The following CHST7 variants were observed in gnomAD, a reference collection of about 807,000 sequenced individuals.
CHST7 encodes carbohydrate sulfotransferase 7.
CHST7 carries 5 observed loss-of-function variants against 9.0 expected under a neutral mutation model. That is an observed-to-expected ratio of 0.56 (90% CI 0.29 to 1.17). The LOEUF (loss-of-function observed/expected upper bound fraction) is 1.17. Ranked by LOEUF, CHST7 falls within the 50% of genes most tolerant of loss-of-function variation. The pLI, the probability that CHST7 is intolerant of heterozygous loss-of-function variation, is 0.08. For synonymous variants in CHST7, 244 were observed against 237.1 expected (o/e 1.03, Z -0.27); for missense variants, 377 against 485.1 (o/e 0.78, Z 2.09).
chrX:46,584,400 G>A (rs775564504), intron 1 of CHST7, among the ~76,000 whole-genome samples: 1 of 91,361 alleles, frequency 1.1e-5, no homozygotes, highest in South Asian at 5.7e-4. Flanking sequence ...AGCCAGGCGT[G>A]GTGGCACATG....
intron 1 of CHST7, among the ~76,000 whole-genome samples, chrX:46,580,543 T>A (rs1398081969): frequency 9.0e-6 from 1 of 111,490 alleles, no homozygotes; most frequent in Admixed American, 9.5e-5. Context: ...AGGGCTGCAA[T>A]GAGGTGTGAA....
chrX:46,579,374 C>G (rs1942514364), intron 1 of CHST7, among the ~76,000 whole-genome samples: 1 of 112,213 alleles, frequency 8.9e-6, no homozygotes. Flanking sequence ...CACCACTGTT[C>G]TGGACAGACT....
chrX:46,575,185 G>A lies in CHST7; in HGVS notation c.1254G>A (p.Arg418=), dbSNP rs1942492330. The change falls in exon 1 of 2, where the codon CGG becomes CGA. Residue 418 remains arginine, a synonymous_variant. Transcript: ENST00000276055. ...MTRGAAYGAD[R]PFHLSARDAR... is the part of the protein sequence containing the mutation. ...GCGGCGCGGCCTACGGCGCCGACCGGCCCTTCCACCTGTCAGCGCGCGACG... is the reference window on the plus strand; with the variant it reads ...GCGGCGCGGCCTACGGCGCCGACCGACCCTTCCACCTGTCAGCGCGCGACG... 1.8e-6 allele frequency: 2 copies of A among 1,103,807 alleles called. No homozygotes were observed. The highest frequency in any genetic ancestry group is 2.2e-5 in the South Asian group (1 of 46,450). The allele number at this position is 1,103,807 out of a possible 1,213,427, so 91.0% of individuals were successfully genotyped here. A position where few individuals can be genotyped will look rare whatever the true frequency, so the allele number is the denominator to read the frequency against.
chrX:46,589,549 C>CA (rs758495614), intron 1 of CHST7, among the ~76,000 whole-genome samples: 825 of 65,636 alleles, frequency 0.013, 6 homozygotes, highest in African/African-American at 0.018. Flanking sequence ...GACTCTGTCT[C>CA]AAAAAAAAAA....
At chrX:46,576,196 C>T (rs1049291969) in intron 1 of CHST7, among the ~76,000 whole-genome samples, 2 of 105,104 alleles carry the variant, frequency 1.9e-5, no homozygotes, top group African/African-American at 7.0e-5. Context: ...CTCCCCCTTC[C>T]CCTCCTCCTC....
chrX:46,591,911 C>T (rs1942575152), intron 1 of CHST7, among the ~76,000 whole-genome samples: 1 of 110,199 alleles, frequency 9.1e-6, no homozygotes, highest in African/African-American at 3.3e-5. Context: ...CGTTCCCCTC[C>T]CTATGTCCAT....
chrX:46,587,278 G>A (rs1942554220), intron 1 of CHST7, among the ~76,000 whole-genome samples: 2 of 110,847 alleles, frequency 1.8e-5, no homozygotes, highest in African/African-American at 6.6e-5. Context: ...GGTGACGGCG[G>A]GAGTGTGTGT....
chrX:46,574,517 C>T lies in CHST7; in HGVS notation c.586C>T (p.Arg196Trp). The change falls in exon 1 of 2, where the codon CGG (arginine) becomes TGG (tryptophan). Residue 196 changes from arginine to tryptophan, a missense_variant. Arg to Trp is a moderately radical substitution (Grantham distance 101). Around this residue, in one of 3 missense-constraint regions of CHST7, gnomAD observed 239 missense variants for 325.7 expected, o/e 0.73. Transcript: ENST00000276055. The part of the protein sequence containing the change: ...NLTTAALFRW[R>W]TNKVICSPPL... ...TACCACGGCCGCCCTCTTCCGCTGG[C>T]GGACTAACAAGGTCATCTGCTCGCC... The T allele has an allele frequency of 8.3e-7, 1 of 1,206,948 alleles. No individual in the cohort carries two copies. The highest frequency in any genetic ancestry group is 1.1e-6 in the Non-Finnish European group (1 of 893,020).
In CHST7 at chrX:46,574,889, G is replaced by A. The variant is rs61734023; in HGVS notation, c.958G>A (p.Val320Met). The A allele has an allele frequency of 8.6e-7, 1 of 1,160,760 alleles. No homozygotes were observed. Among genetic ancestry groups the A allele is most frequent in the Admixed American group, 2.6e-5 (1 of 39,119 alleles). ...RFHRVLLAHGVGARPGGQSRA... is the reference protein window; with the variant it reads ...RFHRVLLAHGMGARPGGQSRA... ...CCACCGTGTGCTGCTGGCGCACGGC[G>A]TGGGTGCTCGCCCCGGGGGCCAGTC... Residue 320 changes from valine to methionine, a missense_variant, in exon 1 of 2, where the codon GTG (valine) becomes ATG (methionine). Transcript: ENST00000276055.
At chrX:46,589,946 C>T (rs1296280070) in intron 1 of CHST7, among the ~76,000 whole-genome samples, 2 of 112,071 alleles carry the variant, frequency 1.8e-5, no homozygotes, top group Non-Finnish European at 3.8e-5. Context: ...TCAGAGCACA[C>T]ATCTCTCCTT....
intron 1 of CHST7, among the ~76,000 whole-genome samples, chrX:46,581,542 C>T (rs1942525682): frequency 2.2e-5 from 2 of 91,459 alleles, no homozygotes; most frequent in Admixed American, 1.2e-4. Context: ...GGCGACAGAG[C>T]GAGACTCTGT....
intron 1 of CHST7, among the ~76,000 whole-genome samples, chrX:46,584,621 C>T (rs1343884973): frequency 9.1e-6 from 1 of 109,648 alleles, no homozygotes. Flanking sequence ...TGAAGTCTGG[C>T]CTGAAATCCA....
chrX:46,588,722 A>G (rs1045469700), intron 1 of CHST7, among the ~76,000 whole-genome samples: 1 of 111,672 alleles, frequency 9.0e-6, no homozygotes, highest in South Asian at 3.7e-4. Flanking sequence ...TTAAATAAAT[A>G]ACCATGCTTT....
chrX:46,576,745 G>A (rs1482149182), intron 1 of CHST7, among the ~76,000 whole-genome samples: 1 of 112,385 alleles, frequency 8.9e-6, no homozygotes, highest in African/African-American at 3.2e-5. Context: ...GCATTCCCCT[G>A]AGATGAAGCT....
chrX:46,585,806 C>T (rs935608162), intron 1 of CHST7, among the ~76,000 whole-genome samples: 3 of 112,124 alleles, frequency 2.7e-5, no homozygotes, highest in African/African-American at 9.7e-5. Flanking sequence ...AGTGCAGTGA[C>T]GCGATATCGG....
chrX:46,575,214 G>T lies in CHST7; in HGVS notation c.1283G>T (p.Arg428Leu), dbSNP rs1203090864. 4 of 1,101,576 alleles carry T rather than the reference G, an allele frequency of 3.6e-6. No individual in the cohort carries two copies. The highest frequency in any genetic ancestry group is 4.7e-6 in the Non-Finnish European group (4 of 850,152). The allele number at this position is 1,101,576 out of a possible 1,213,427, so 90.8% of individuals were successfully genotyped here. A position where few individuals can be genotyped will look rare whatever the true frequency, so the allele number is the denominator to read the frequency against. ...TTCCACCTGTCAGCGCGCGACGCCC[G>T]GGAGGCGGTGCACGCCTGGCGCGAG... ...RPFHLSARDA[R>L]EAVHAWRERL... Residue 428 changes from arginine (R) to leucine (L), a missense_variant, in exon 1 of 2, where the codon CGG becomes CTG. By Grantham distance (102) the Arg-to-Leu change is moderately radical. Around this residue, in one of 3 missense-constraint regions of CHST7, gnomAD observed 130 missense variants for 134.9 expected, o/e 0.96. Coordinates refer to ENST00000276055, the MANE Select transcript of CHST7 (RefSeq NM_019886.4).
chrX:46,577,883 C>T (rs767179032), intron 1 of CHST7, among the ~76,000 whole-genome samples: 4 of 112,006 alleles, frequency 3.6e-5, no homozygotes, highest in South Asian at 3.7e-4. Flanking sequence ...ACAGGAAAGC[C>T]GACAACTTTA....
At chrX:46,596,293 C>G in intron 1 of CHST7, among the ~76,000 whole-genome samples, 1 of 111,386 alleles carries the variant, frequency 9.0e-6, no homozygotes, top group Non-Finnish European at 1.9e-5. Context: ...AACCCTGGTT[C>G]CAGGAATGCC....
chrX:46,575,742 G>A lies in CHST7; in HGVS notation c.*31+319G>A, dbSNP rs186319627. On this transcript the variant is annotated intron_variant, in intron 1 of 1. Coordinates refer to ENST00000276055, the MANE Select transcript of CHST7 (RefSeq NM_019886.4). ...CAGAGGGCTGAGGAGAGTAGAGAAG[G>A]TTTGAAACAGTCATAATGAGCCGTG... 2.7e-4 allele frequency among the ~76,000 whole-genome samples: 30 copies of A among 112,123 alleles called. No homozygotes were observed. In the East Asian group the frequency reaches 8.2e-3, roughly 31 times the overall value.
Sources: gnomAD v4.1 joint callset for allele counts (sites outside exome capture counted in the v4.1 genomes callset) on GRCh38, gnomAD v4.1.1 for gene constraint, gnomAD v4.1.1 regional missense constraint, MANE v1.5 for transcripts, NCBI Gene and HGNC (gene_info 2026-07-23, HGNC 2026-07-21) for gene names.